Variants in CCDC191 observed in about 807,000 individuals in gnomAD.
CCDC191 encodes the protein coiled-coil domain-containing protein 191.
In CCDC191, 99 loss-of-function variants were observed where a neutral mutation model predicts 114.0. That is an observed-to-expected ratio of 0.87 (90% CI 0.74 to 1.03). CCDC191 has a LOEUF of 1.03. Ranked by LOEUF, CCDC191 falls within the 50% of genes least tolerant of loss-of-function variation. CCDC191 has a pLI of 0.00. For missense variants in CCDC191, 973 were observed against 1,087.0 expected, an observed-to-expected ratio of 0.90 and a Z score of 1.47; for synonymous variants, 351 against 376.0, an observed-to-expected ratio of 0.93 and a Z score of 0.77.
At chr3:114,030,554 T>C (rs886607004) in intron 7 of CCDC191, among the ~76,000 whole-genome samples, 21 of 152,314 alleles carry the variant, frequency 1.4e-4, no homozygotes, top group South Asian at 2.1e-4. Flanking sequence ...CCCTACTACA[T>C]TTCCTTCTGT....
At chr3:113,983,043 C>G (rs1346150952) in intron 13 of CCDC191, among the ~76,000 whole-genome samples, 1 of 152,098 alleles carries the variant, frequency 6.6e-6, no homozygotes, top group Non-Finnish European at 1.5e-5. Context: ...GGCTCCTTTC[C>G]TAGAACACCA....
At chr3:114,031,448 G>A (rs1272363243) in intron 7 of CCDC191, among the ~76,000 whole-genome samples, 178 bp downstream of exon 7, 1 of 152,304 alleles carries the variant, frequency 6.6e-6, no homozygotes, top group East Asian at 1.9e-4. Context: ...CAGAACAGGG[G>A]ATTTGTGTAC....
At chr3:113,995,307 C>A (rs147063618) in intron 13 of CCDC191, among the ~76,000 whole-genome samples, 1 of 151,956 alleles carries the variant, frequency 6.6e-6, no homozygotes, top group Non-Finnish European at 1.5e-5. Context: ...CCCCCTAAAT[C>A]TATAAAAATT....
At chr3:113,966,175 C>G (rs1940145054) in intron 16 of CCDC191, among the ~76,000 whole-genome samples, 1 of 152,124 alleles carries the variant, frequency 6.6e-6, no homozygotes, top group South Asian at 2.1e-4. Context: ...CTGCTGGTAA[C>G]CTGACCTCCA....
intron 13 of CCDC191, among the ~76,000 whole-genome samples, chr3:113,997,944 A>G (rs1301987583): frequency 6.6e-6 from 1 of 152,114 alleles, no homozygotes; most frequent in Non-Finnish European, 1.5e-5. Flanking sequence ...TAATTATGTG[A>G]ACTACATAAT....
chr3:113,984,042 C>A (rs557284844), intron 13 of CCDC191: 1 of 152,306 alleles, frequency 6.6e-6, no homozygotes, highest in South Asian at 2.1e-4. Context: ...CTCTGTACCA[C>A]CTCTTGCTGA....
intron 13 of CCDC191, among the ~76,000 whole-genome samples, chr3:113,998,080 C>T (rs967903005): frequency 2.0e-5 from 3 of 151,058 alleles, no homozygotes; most frequent in Admixed American, 2.0e-4. Flanking sequence ...CCGAGGCAGG[C>T]GGATCACCTG....
chr3:114,018,534 G>C, intron 8 of CCDC191, 144 bp downstream of exon 8: 2 of 673,510 alleles, frequency 3.0e-6, no homozygotes, highest in East Asian at 5.7e-5. Flanking sequence ...AGTTTGAGAT[G>C]TAACATAGAA....
intron 16 of CCDC191, among the ~76,000 whole-genome samples, chr3:113,977,698 C>T (rs2074977457): frequency 6.6e-6 from 1 of 152,114 alleles, no homozygotes; most frequent in Non-Finnish European, 1.5e-5. Flanking sequence ...TGGGAAGGAG[C>T]CTGTGCGACA....
chr3:113,981,374 A>AC (rs2075143790), intron 13 of CCDC191, among the ~76,000 whole-genome samples: 1 of 152,102 alleles, frequency 6.6e-6, no homozygotes, highest in Non-Finnish European at 1.5e-5. Context: ...AAAGAACTGC[A>AC]CCCCTCAGGG....
intron 11 of CCDC191, chr3:114,004,051 T>C (rs1246641710): frequency 2.1e-6 from 2 of 969,140 alleles, no homozygotes; most frequent in Non-Finnish European, 2.5e-6. Context: ...GGAGGACTCC[T>C]TGAGGCCAGG....
At chr3:114,040,159 C>T (rs2076541576) in intron 4 of CCDC191, among the ~76,000 whole-genome samples, 1 of 152,102 alleles carries the variant, frequency 6.6e-6, no homozygotes, top group African/African-American at 2.4e-5. Flanking sequence ...TGTTCCATTG[C>T]CTGTAGTATT....
At chr3:114,039,284 T>C (rs529332888) in intron 4 of CCDC191, 6 of 152,114 alleles carry the variant, frequency 3.9e-5, no homozygotes, top group South Asian at 2.1e-4. Context: ...AATGGGAGGA[T>C]TGCTTGAGCC....
intron 13 of CCDC191, among the ~76,000 whole-genome samples, chr3:113,995,811 C>T (rs541922654): frequency 6.6e-6 from 1 of 152,118 alleles, no homozygotes; most frequent in Non-Finnish European, 1.5e-5. Flanking sequence ...TTTTACTAAT[C>T]GCTATTCTGA....
At chr3:114,032,598 A>G (rs1015332949) in intron 6 of CCDC191, among the ~76,000 whole-genome samples, 1 of 152,182 alleles carries the variant, frequency 6.6e-6, no homozygotes, top group South Asian at 2.1e-4. Flanking sequence ...TCTTTCTTGA[A>G]CTTTTAGTTC....
At chr3:113,992,115 G>A (rs959796869) in intron 13 of CCDC191, among the ~76,000 whole-genome samples, 1 of 152,178 alleles carries the variant, frequency 6.6e-6, no homozygotes, top group Non-Finnish European at 1.5e-5. Context: ...CTTTGTGGAA[G>A]TCCAGAAGTC....
intron 5 of CCDC191, 55 bp from the exon 6 acceptor site, chr3:114,035,203 G>A: frequency 2.3e-6 from 3 of 1,302,168 alleles, no homozygotes; most frequent in Non-Finnish European, 3.3e-6. Context: ...AAAGGGATAT[G>A]AAAAGCCTTA....
rs544561740 is a variant in CCDC191 at position 114,018,759 on chromosome 3, C to T, written c.1082G>A (p.Arg361Gln). 21 of 1,613,602 alleles carry T rather than the reference C, an allele frequency of 1.3e-5. No homozygotes were observed. The East Asian group carries it at 1.6e-4, about 12-fold the overall frequency. ...GAATCTTGTGTAGTCTCTCCAGGCC[C>T]GCAGGACCTTCAGCTGAATCTTCCA... ...SDWKIQLKVL[R>Q]AWRDYTRFQK... Residue 361 changes from arginine to glutamine, a missense_variant, in exon 8 of 17, where the codon CGG (arginine) becomes CAG (glutamine). Arg to Gln is a conservative substitution (Grantham distance 43, BLOSUM62 1). Transcript: ENST00000295878.
Position 114,005,269 on chromosome 3 carries a change from C to G in CCDC191, c.1868+239G>C, listed in dbSNP as rs80105273. Among the ~76,000 whole-genome samples, 694 of 152,298 alleles carry G rather than the reference C, an allele frequency of 4.6e-3. 7 individuals are homozygous for G. The highest frequency in any genetic ancestry group is 0.016 in the African/African-American group (665 of 41,572). On this transcript the variant is annotated intron_variant, in intron 10 of 16. Transcript: ENST00000295878. ...TTTTTCTCTTTAACTGGCATAGTAA[C>G]AGAGATCCTCAAAGGCAGCCGTGAC...
Sources: allele counts gnomAD v4.1 joint callset (sites outside exome capture counted in the v4.1 genomes callset), GRCh38; gene constraint gnomAD v4.1.1; transcripts MANE v1.5; gene names NCBI Gene and HGNC (gene_info 2026-07-23, HGNC 2026-07-21).